The following FAM169A variants were observed in gnomAD, a reference collection of about 807,000 sequenced individuals.
FAM169A encodes soluble lamin-associated protein of 75 kDa.
FAM169A carries 24 observed loss-of-function variants against 75.7 expected under a neutral mutation model. The observed-to-expected ratio is 0.32, with a 90% CI of 0.23 to 0.45. The LOEUF (loss-of-function observed/expected upper bound fraction) is 0.45. Among genes scored for constraint, FAM169A ranks in the 20% least tolerant of loss-of-function variants. The pLI, the probability that FAM169A is intolerant of heterozygous loss-of-function variation, is 1.00. For missense variants in FAM169A, 673 were observed against 784.0 expected (o/e 0.86, Z 1.69); for synonymous variants, 271 against 271.0 (o/e 1.00, Z 0.00).
chr5:74,846,577 A>C (rs1396805907), intron 1 of FAM169A, among the ~76,000 whole-genome samples: 1 of 152,224 alleles, frequency 6.6e-6, no homozygotes, highest in East Asian at 1.9e-4. Flanking sequence ...GAAAAGGAGA[A>C]AATTCTATTA....
chr5:74,802,358 G>T (rs972477406), intron 8 of FAM169A, among the ~76,000 whole-genome samples: 6 of 150,836 alleles, frequency 4.0e-5, no homozygotes, highest in Non-Finnish European at 8.9e-5. Flanking sequence ...TGATACTTTC[G>T]AATCACAAAT....
intron 1 of FAM169A, chr5:74,865,324 A>G (rs1750262097): frequency 6.6e-6 from 1 of 152,184 alleles, no homozygotes. Context: ...AAAAACCCGT[A>G]CACACGTTTT....
In FAM169A at chr5:74,806,919, C is replaced by T. The variant is rs550690278; in HGVS notation, c.671-1635G>A. ...ACAAAGATAAAGATGATAAACCTCA[C>T]TAGCTGCCAAGGAAAGATAAGATAT... On this transcript the variant is annotated intron_variant, in intron 6 of 12. Coordinates refer to ENST00000687041, the MANE Select transcript of FAM169A (RefSeq NM_001376049.1). Among the ~76,000 whole-genome samples, 11 of 152,264 alleles carry T rather than the reference C, an allele frequency of 7.2e-5. No individual in the cohort carries two copies. In the South Asian group the frequency reaches 2.1e-3, roughly 29 times the overall value.
chr5:74,832,056 G>A (rs767122026), intron 5 of FAM169A, among the ~76,000 whole-genome samples: 5 of 152,030 alleles, frequency 3.3e-5, no homozygotes, highest in Non-Finnish European at 5.9e-5. Flanking sequence ...ATTTTCTGAA[G>A]CTTTCCTTCA....
intron 10 of FAM169A, chr5:74,799,334 G>A (rs112444756): frequency 2.0e-5 from 32 of 1,607,244 alleles, no homozygotes; most frequent in Non-Finnish European, 2.6e-5. Context: ...TTTGCTGTGG[G>A]AAGTGAAGCA....
intron 5 of FAM169A, among the ~76,000 whole-genome samples, chr5:74,831,350 A>G (rs1192463512): frequency 6.6e-6 from 1 of 152,208 alleles, no homozygotes; most frequent in East Asian, 1.9e-4. Context: ...TTTCTAAAGA[A>G]TAGATTGACT....
intron 5 of FAM169A, 118 bp from the exon 6 acceptor site, chr5:74,814,137 AATAT>A: frequency 1.6e-6 from 1 of 633,724 alleles, no homozygotes; most frequent in Non-Finnish European, 2.5e-6. Context: ...AAAAACGTTA[AATAT>A]ATAAATGTTA....
chr5:74,794,886 T>TG (rs1445130860), intron 11 of FAM169A, among the ~76,000 whole-genome samples: 1 of 151,152 alleles, frequency 6.6e-6, no homozygotes, highest in Non-Finnish European at 1.5e-5. Context: ...ACCCAGGAGA[T>TG]GGAGGCTGCA....
intron 5 of FAM169A, among the ~76,000 whole-genome samples, chr5:74,827,408 C>T (rs776510117): frequency 2.6e-5 from 4 of 151,840 alleles, no homozygotes; most frequent in Admixed American, 6.6e-5. Context: ...GAATGTTATC[C>T]TGATGTAATA....
At chr5:74,823,535 T>C (rs1395565281) in intron 5 of FAM169A, among the ~76,000 whole-genome samples, 1 of 152,224 alleles carries the variant, frequency 6.6e-6, no homozygotes, top group Non-Finnish European at 1.5e-5. Flanking sequence ...GACTATGATG[T>C]TGTGGGTTTT....
At chr5:74,829,246 G>A (rs746563706) in intron 5 of FAM169A, among the ~76,000 whole-genome samples, 5 of 152,058 alleles carry the variant, frequency 3.3e-5, no homozygotes, top group African/African-American at 4.8e-5. Context: ...CAAACGGAAC[G>A]ACTATAAAAT....
At chr5:74,802,663 C>A (rs1394399774) in intron 8 of FAM169A, among the ~76,000 whole-genome samples, 1 of 152,084 alleles carries the variant, frequency 6.6e-6, no homozygotes, top group Non-Finnish European at 1.5e-5. Flanking sequence ...ATCTAGTTCT[C>A]CCATGTCTAA....
upstream of FAM169A, chr5:74,866,773 A>G: frequency 4.1e-6 from 4 of 985,516 alleles, no homozygotes; most frequent in Non-Finnish European, 4.8e-6. Flanking sequence ...CTGTTCGCAT[A>G]GCCCGGTGGA....
chr5:74,791,559 G>A (rs1361064112), intron 11 of FAM169A, among the ~76,000 whole-genome samples: 1 of 152,214 alleles, frequency 6.6e-6, no homozygotes, highest in Admixed American at 6.5e-5. Flanking sequence ...TACAGTGTTG[G>A]CTGGGGTGAC....
At chr5:74,788,070 G>T (rs1745785388) in intron 11 of FAM169A, among the ~76,000 whole-genome samples, 1 of 152,124 alleles carries the variant, frequency 6.6e-6, no homozygotes, top group African/African-American at 2.4e-5. Flanking sequence ...GTGCACTGGG[G>T]AAAGGGAAAT....
intron 9 of FAM169A, 25 bp from the exon 10 acceptor site, chr5:74,801,055 C>A: frequency 2.0e-6 from 3 of 1,495,782 alleles, no homozygotes; most frequent in Non-Finnish European, 2.7e-6. Context: ...AGCAAAACTG[C>A]ACTTAATTGA....
At chr5:74,815,783 G>A (rs970958869) in intron 5 of FAM169A, among the ~76,000 whole-genome samples, 1 of 152,192 alleles carries the variant, frequency 6.6e-6, no homozygotes, top group African/African-American at 2.4e-5. Flanking sequence ...AGATGGCAAT[G>A]AGAGTGACCT....
At chr5:74,845,311 G>C (rs1297274538) in intron 1 of FAM169A, among the ~76,000 whole-genome samples, 1 of 152,130 alleles carries the variant, frequency 6.6e-6, no homozygotes, top group Non-Finnish European at 1.5e-5. Context: ...GAGGTCAGGA[G>C]ATCGAGACCA....
chr5:74,863,282 A>G (rs1263971629), intron 1 of FAM169A, among the ~76,000 whole-genome samples: 8 of 152,198 alleles, frequency 5.3e-5, no homozygotes, highest in Non-Finnish European at 1.0e-4. Context: ...TTTTCTTGTT[A>G]TCATTGAAAC....
Sources: gnomAD v4.1 joint callset for allele counts (sites outside exome capture counted in the v4.1 genomes callset) on GRCh38, gnomAD v4.1.1 for gene constraint, MANE v1.5 for transcripts, NCBI Gene and HGNC (gene_info 2026-07-23, HGNC 2026-07-21) for gene names.